XRN1: variants seen among roughly 807,000 people sequenced by gnomAD.
XRN1 encodes strand-exchange protein 1 homolog.
In XRN1, 67 loss-of-function variants were observed where a neutral mutation model predicts 222.3. That is an observed-to-expected ratio of 0.30 (90% CI 0.25 to 0.37). XRN1 has a LOEUF of 0.37. Among genes scored for constraint, XRN1 ranks in the 10% least tolerant of loss-of-function variants. The pLI, the probability that XRN1 is intolerant of heterozygous loss-of-function variation, is 1.00. For missense variants in XRN1, 1,707 were observed against 2,000.2 expected (o/e 0.85, Z 2.80); for synonymous variants, 643 against 652.4 (o/e 0.99, Z 0.22).
chr3:142,423,666 G>T, intron 5 of XRN1, 24 bp from the exon 6 acceptor site: 1 of 1,527,654 alleles, frequency 6.5e-7, no homozygotes, highest in Non-Finnish European at 8.8e-7. Context: ...ATTAAGAAAT[G>T]TTTTTATTCT....
intron 39 of XRN1, among the ~76,000 whole-genome samples, chr3:142,314,756 T>A (rs1396795250): frequency 6.6e-6 from 1 of 151,330 alleles, no homozygotes; most frequent in Non-Finnish European, 1.5e-5. Context: ...GATACAAAAA[T>A]TAGCCAGGTG....
At chr3:142,348,562 A>C (rs2066214876) in intron 32 of XRN1, among the ~76,000 whole-genome samples, 1 of 152,212 alleles carries the variant, frequency 6.6e-6, no homozygotes, top group African/African-American at 2.4e-5. Context: ...AACAAGAAGC[A>C]GCAGAAGTGG....
intron 15 of XRN1, among the ~76,000 whole-genome samples, chr3:142,410,372 T>C (rs985411526): frequency 1.3e-5 from 2 of 152,160 alleles, no homozygotes. Context: ...AAAAACTGGA[T>C]GTTGAATATT....
At chr3:142,409,629 T>C (rs1462590616) in intron 15 of XRN1, among the ~76,000 whole-genome samples, 1 of 152,190 alleles carries the variant, frequency 6.6e-6, no homozygotes, top group Non-Finnish European at 1.5e-5. Flanking sequence ...TTTATATGGA[T>C]TGTTTTGGTT....
At chr3:142,423,047 A>C (rs1372231718) in intron 6 of XRN1, 125 bp from the exon 7 acceptor site, 1 of 704,146 alleles carries the variant, frequency 1.4e-6, no homozygotes, top group Non-Finnish European at 2.4e-6. Flanking sequence ...TAAGGCATAC[A>C]ATTTATATGA....
chr3:142,356,749 C>A (rs1292891119), intron 31 of XRN1, among the ~76,000 whole-genome samples, 163 bp downstream of exon 31: 1 of 152,132 alleles, frequency 6.6e-6, no homozygotes, highest in Non-Finnish European at 1.5e-5. Flanking sequence ...CTAGCAATAG[C>A]ATTCTTTATT....
chr3:142,408,834 T>C (rs1215896794), intron 15 of XRN1, among the ~76,000 whole-genome samples: 1 of 152,224 alleles, frequency 6.6e-6, no homozygotes, highest in South Asian at 2.1e-4. Context: ...AAAATTCCAA[T>C]TGCTCCACAT....
intron 2 of XRN1, among the ~76,000 whole-genome samples, chr3:142,431,556 C>T (rs2069526204): frequency 6.6e-6 from 1 of 151,864 alleles, no homozygotes; most frequent in African/African-American, 2.4e-5. Flanking sequence ...GTGGCTCACA[C>T]CTGTAATCCC....
chr3:142,353,420 G>GT (rs1438299257), intron 32 of XRN1, among the ~76,000 whole-genome samples: 2 of 152,146 alleles, frequency 1.3e-5, no homozygotes, highest in Non-Finnish European at 2.9e-5. Flanking sequence ...ACGTTATACT[G>GT]TAAGTTTATA....
chr3:142,400,302 G>T, intron 19 of XRN1, 142 bp downstream of exon 19: 1 of 576,106 alleles, frequency 1.7e-6, no homozygotes, highest in Non-Finnish European at 3.0e-6. Context: ...TTCAAGTGGT[G>T]TCATTAGACG....
chr3:142,432,806 T>G lies in XRN1; in HGVS notation c.163A>C (p.Ile55Leu), dbSNP rs762362851. 6 of 1,613,900 alleles carry G rather than the reference T, an allele frequency of 3.7e-6. No individual in the cohort carries two copies. Among genetic ancestry groups the G allele is most frequent in the Non-Finnish European group, 5.1e-6 (6 of 1,180,022 alleles). The change falls in exon 2 of 41, where the codon ATT becomes CTT. Residue 55 changes from isoleucine (I) to leucine (L), a missense_variant. Around this residue, in one of 2 missense-constraint regions of XRN1, gnomAD observed 1,234 missense variants for 1,518.2 expected, o/e 0.81. Coordinates refer to ENST00000392981, the MANE Select transcript of XRN1 (RefSeq NM_001282857.2). ...TCAGTAAAGATTTTATCATCTGAAA[T>G]TCTAAAGTGAACATCATCATCATTA... ...HPNDDDVHFR[I>L]SDDKIFTDIF...
At chr3:142,434,511 T>A (rs1366282767) in intron 1 of XRN1, among the ~76,000 whole-genome samples, 3 of 128,338 alleles carry the variant, frequency 2.3e-5, no homozygotes, top group East Asian at 4.4e-4. Context: ...TTTTTTACAC[T>A]TTTTTTTTTT....
intron 19 of XRN1, 118 bp from the exon 20 acceptor site, chr3:142,397,578 C>T (rs1442661256): frequency 1.2e-5 from 8 of 677,840 alleles, no homozygotes; most frequent in African/African-American, 1.9e-5. Flanking sequence ...CAAAAAACCC[C>T]ACAACTGTAA....
At chr3:142,425,106 CATT>C in intron 5 of XRN1, 113 bp downstream of exon 5, 1 of 666,440 alleles carries the variant, frequency 1.5e-6, no homozygotes. Flanking sequence ...AAGTAGCAAT[CATT>C]ATTGTGTCTC....
At chr3:142,317,031 G>A (rs2065230043) in intron 39 of XRN1, among the ~76,000 whole-genome samples, 1 of 152,178 alleles carries the variant, frequency 6.6e-6, no homozygotes, top group Admixed American at 6.5e-5. Context: ...TCAGGGTTTT[G>A]AGGTATTCAA....
At chr3:142,423,495 A>G in intron 6 of XRN1, 65 bp downstream of exon 6, 1 of 1,307,480 alleles carries the variant, frequency 7.6e-7, no homozygotes, top group Non-Finnish European at 1.1e-6. Context: ...ACAAACATGT[A>G]TCTGTTAAAG....
At chr3:142,336,986 A>G (rs1215207992) in intron 33 of XRN1, among the ~76,000 whole-genome samples, 1 of 152,180 alleles carries the variant, frequency 6.6e-6, no homozygotes, top group Non-Finnish European at 1.5e-5. Flanking sequence ...TACCAAACTG[A>G]ACCAAAGTTA....
rs2067367410 is a variant in XRN1, at chr3:142,383,223, T to G, written c.2616+77A>C. On this transcript the variant is annotated intron_variant, in intron 22 of 40. Coordinates refer to ENST00000392981, the MANE Select transcript of XRN1 (RefSeq NM_001282857.2). Reference sequence around the variant, plus strand: ...TTCCCTTCATTATTATATTTTAATTTAAACCTAAATGAAGAGAAGTTAAGT... The same window carrying G: ...TTCCCTTCATTATTATATTTTAATTGAAACCTAAATGAAGAGAAGTTAAGT... The G allele has an allele frequency of 5.3e-6, 6 of 1,122,570 alleles. No individual in the cohort carries two copies. The Admixed American group carries it at 1.4e-4, about 26-fold the overall frequency. The allele number at this position is 1,122,570 out of a possible 1,614,324, so 69.5% of individuals were successfully genotyped here.
intron 11 of XRN1, 67 bp from the exon 12 acceptor site, chr3:142,418,676 T>G (rs1445639398): frequency 2.7e-6 from 4 of 1,458,132 alleles, no homozygotes; most frequent in Non-Finnish European, 2.8e-6. Flanking sequence ...ACCTAATGAT[T>G]TGATAAATGC....
Sources: gnomAD v4.1 joint callset for allele counts (sites outside exome capture counted in the v4.1 genomes callset) on GRCh38, gnomAD v4.1.1 for gene constraint, gnomAD v4.1.1 regional missense constraint, MANE v1.5 for transcripts, NCBI Gene and HGNC (gene_info 2026-07-23, HGNC 2026-07-21) for gene names.